Variants in VPS53 observed in about 807,000 individuals in gnomAD.
VPS53 encodes the protein vacuolar protein sorting-associated protein 53 homolog.
VPS53 carries 70 observed loss-of-function variants against 107.0 expected under a neutral mutation model. The ratio of observed to expected loss-of-function variants is 0.65; its 90% CI spans 0.54 to 0.80. The LOEUF is 0.80. VPS53 is among the 30% of genes least tolerant of loss of function. VPS53 has a pLI of 0.00. For synonymous variants in VPS53, 409 were observed against 393.3 expected, an observed-to-expected ratio of 1.04 and a Z score of -0.47; for missense variants, 917 against 1,049.4, an observed-to-expected ratio of 0.87 and a Z score of 1.74.
chr17:558,351 C>T (rs1292368980), intron 15 of VPS53, among the ~76,000 whole-genome samples: 1 of 152,120 alleles, frequency 6.6e-6, no homozygotes. Flanking sequence ...CCTGTAGTCC[C>T]AGCTACTCAC....
At position 514,759 on chromosome 17, in the gene VPS53, T is replaced by A. The variant is rs975923490; in HGVS notation, c.*4369A>T. On this transcript the variant is annotated 3_prime_UTR_variant, in exon 22 of 22. Transcript: ENST00000437048. ...TCTGCGTGCCCTGTACTGGTCATGC[T>A]GGTCTCAGCTTGTCTGCTCTCAGTC... 1 of 152,654 alleles carries A rather than the reference T, an allele frequency of 6.6e-6. No individual in the cohort carries two copies. Among genetic ancestry groups the A allele is most frequent in the South Asian group, 2.1e-4 (1 of 4,830 alleles). The allele number at this position is 152,654 out of a possible 1,614,324, so 9.5% of individuals were successfully genotyped here.
intron 1 of VPS53, among the ~76,000 whole-genome samples, chr17:713,102 G>A (rs753369289): frequency 6.6e-6 from 1 of 152,070 alleles, no homozygotes; most frequent in Non-Finnish European, 1.5e-5. Flanking sequence ...TCGGGAGGCT[G>A]AGGCAGGGTT....
At chr17:607,309 CT>C (rs1968631517) in intron 11 of VPS53, among the ~76,000 whole-genome samples, 1 of 152,202 alleles carries the variant, frequency 6.6e-6, no homozygotes, top group Non-Finnish European at 1.5e-5. Flanking sequence ...GGCCCATCAA[CT>C]TTGCACTTTC....
chr17:543,095 A>G (rs1195188136), intron 17 of VPS53, among the ~76,000 whole-genome samples: 2 of 152,212 alleles, frequency 1.3e-5, no homozygotes, highest in African/African-American at 4.8e-5. Context: ...AGAACTTGAC[A>G]GTTTCTTAGT....
intron 17 of VPS53, among the ~76,000 whole-genome samples, chr17:545,337 G>A (rs564114224): frequency 2.0e-4 from 31 of 152,156 alleles, no homozygotes; most frequent in Admixed American, 1.6e-3. Flanking sequence ...CCGCGGGCTC[G>A]TATTCCTTCA....
At position 634,407 on chromosome 17, in the gene VPS53, T is replaced by C. The variant is rs146169415; in HGVS notation, c.609-2779A>G. Among the ~76,000 whole-genome samples the C allele has an allele frequency of 1.6e-3, 237 of 152,282 alleles. 2 individuals are homozygous for C. The highest frequency in any genetic ancestry group is 5.4e-3 in the African/African-American group (223 of 41,558). The stretch of plus-strand genomic sequence containing the variant: ...ATTATGTACACCTTATTTTTTTTTA[T>C]TATTATACTTTCAGTTTTAGGGTAC... On this transcript the variant is annotated intron_variant, in intron 7 of 21. Transcript: ENST00000437048.
At chr17:578,713 CTCAG>C (rs757499466) in intron 13 of VPS53, among the ~76,000 whole-genome samples, 18 of 151,928 alleles carry the variant, frequency 1.2e-4, no homozygotes, top group South Asian at 8.3e-4. Context: ...CCCTCAGAAC[CTCAG>C]TCAATTACCA....
Position 597,870 on chromosome 17 carries a change from A to C in VPS53, c.1218+3925T>G, listed in dbSNP as rs1184873287. 2.7e-5 allele frequency among the ~76,000 whole-genome samples: 4 copies of C among 148,138 alleles called. No homozygotes were observed. The East Asian group carries it at 7.9e-4, about 29-fold the overall frequency. ...CAGGCATGAGCCACCATTCCCGGCC[A>C]TTTTTTTTTTAAATTACATAAAACC... On this transcript the variant is annotated intron_variant, in intron 12 of 21. Transcript: ENST00000437048.
At chr17:543,987 GAGGGAGGA>G (rs1024452114) in intron 17 of VPS53, among the ~76,000 whole-genome samples, 1 of 74,020 alleles carries the variant, frequency 1.4e-5, no homozygotes, top group Non-Finnish European at 2.4e-5. Flanking sequence ...GGAACGGAGA[GAGGGAGGA>G]AGGGAGGGAG....
At chr17:571,600 C>A (rs1488896591) in intron 13 of VPS53, among the ~76,000 whole-genome samples, 2 of 151,598 alleles carry the variant, frequency 1.3e-5, no homozygotes, top group East Asian at 3.8e-4. Flanking sequence ...CGAGCCGAAG[C>A]TGGACTGTGC....
At chr17:645,179 A>G (rs148976327) in intron 7 of VPS53, among the ~76,000 whole-genome samples, 37 of 152,362 alleles carry the variant, frequency 2.4e-4, no homozygotes, top group African/African-American at 8.9e-4. Context: ...AAGCAAAAAG[A>G]AACAAGTGGG....
Position 623,678 on chromosome 17 carries a change from C to G in VPS53, c.975-4G>C. ...CATAATCTTGGCAAGTTCTGCCCTT[C>G]AAAACAAAGAGATAAGAATACTATC... is the stretch of plus-strand genomic sequence containing the variant. On this transcript the variant is annotated splice_region_variant and splice_polypyrimidine_tract_variant and intron_variant, in intron 10 of 21. Coordinates refer to ENST00000437048, the MANE Select transcript of VPS53 (RefSeq NM_001128159.3). The G allele has an allele frequency of 6.2e-7, 1 of 1,606,160 alleles. No individual in the cohort carries two copies. The highest frequency in any genetic ancestry group is 8.5e-7 in the Non-Finnish European group (1 of 1,174,556).
chr17:602,098 G>A (rs535385775), intron 11 of VPS53, among the ~76,000 whole-genome samples: 15 of 152,062 alleles, frequency 9.9e-5, no homozygotes, highest in South Asian at 2.1e-4. Context: ...CGACCACCCC[G>A]CCCCAACTCG....
chr17:560,057 A>C (rs898398388), intron 15 of VPS53, among the ~76,000 whole-genome samples: 4 of 152,246 alleles, frequency 2.6e-5, no homozygotes, highest in Non-Finnish European at 1.5e-5. Flanking sequence ...GCATGGAATA[A>C]CTGGCTGTGA....
chr17:541,644 A>C (rs1347738619), intron 17 of VPS53, among the ~76,000 whole-genome samples: 1 of 143,202 alleles, frequency 7.0e-6, no homozygotes, highest in Admixed American at 7.0e-5. Context: ...AATGTTTATC[A>C]AGGACCTACC....
At chr17:676,842 G>A (rs1052669466) in intron 4 of VPS53, among the ~76,000 whole-genome samples, 14 of 149,710 alleles carry the variant, frequency 9.4e-5, no homozygotes, top group African/African-American at 3.4e-4. Flanking sequence ...AAAAATCAGG[G>A]TGGTTTTTTT....
chr17:515,993 G>T lies in VPS53; in HGVS notation c.*3135C>A, dbSNP rs367716345. The T allele has an allele frequency of 1.5e-5, 2 of 136,344 alleles. No homozygotes were observed. Among genetic ancestry groups the T allele is most frequent in the African/African-American group, 5.8e-5 (2 of 34,326 alleles). The allele number at this position is 136,344 out of a possible 1,614,324, so 8.4% of individuals were successfully genotyped here. A position where few individuals can be genotyped will look rare whatever the true frequency, so the allele number is the denominator to read the frequency against. Reference sequence around the variant, plus strand: ...TTTTTTTTGTATTTTTAGTAGAGATGGGATTTTGCCATGTTGGCCAGGCTG... The same window carrying T: ...TTTTTTTTGTATTTTTAGTAGAGATTGGATTTTGCCATGTTGGCCAGGCTG... On this transcript the variant is annotated 3_prime_UTR_variant, in exon 22 of 22. Coordinates refer to ENST00000437048, the MANE Select transcript of VPS53 (RefSeq NM_001128159.3).
chr17:673,398 CA>C (rs1972041721), intron 4 of VPS53, among the ~76,000 whole-genome samples: 1 of 152,234 alleles, frequency 6.6e-6, no homozygotes, highest in African/African-American at 2.4e-5. Flanking sequence ...CCAGCCTCAG[CA>C]ATGCTAACAA....
chr17:613,341 TAGTG>T (rs1478842948), intron 11 of VPS53, among the ~76,000 whole-genome samples: 1 of 147,862 alleles, frequency 6.8e-6, no homozygotes, highest in African/African-American at 2.5e-5. Flanking sequence ...AATATTCACA[TAGTG>T]AGTTCACACA....
Sources: gnomAD v4.1 joint callset for allele counts (sites outside exome capture counted in the v4.1 genomes callset) on GRCh38, gnomAD v4.1.1 for gene constraint, MANE v1.5 for transcripts, NCBI Gene and HGNC (gene_info 2026-07-23, HGNC 2026-07-21) for gene names.